SND1: variants seen among roughly 807,000 people sequenced by gnomAD.
SND1 encodes staphylococcal nuclease and tudor domain containing 1.
Under a neutral mutation model 121.7 loss-of-function variants are expected in SND1, and 38 were observed. That is an observed-to-expected ratio of 0.31 (90% CI 0.24 to 0.41). The LOEUF is 0.41. Ranked by LOEUF, SND1 falls within the 10% of genes least tolerant of loss-of-function variation. The pLI is 1.00. For missense variants in SND1, 868 were observed against 1,184.6 expected (o/e 0.73, Z 3.92); for synonymous variants, 401 against 447.4 (o/e 0.90, Z 1.31).
intron 10 of SND1, among the ~76,000 whole-genome samples, chr7:127,753,708 C>T (rs976029790): frequency 6.6e-6 from 1 of 152,160 alleles, no homozygotes; most frequent in Non-Finnish European, 1.5e-5. Flanking sequence ...GTGGATTTTC[C>T]TTCCCCCTTT....
chr7:128,068,667 T>G (rs1267763124), intron 16 of SND1, among the ~76,000 whole-genome samples: 1 of 152,154 alleles, frequency 6.6e-6, no homozygotes, highest in African/African-American at 2.4e-5. Flanking sequence ...CATGTTTGAT[T>G]TCAGCCACGG....
chr7:127,853,624 G>T (rs1207315059), intron 12 of SND1, among the ~76,000 whole-genome samples: 2 of 152,186 alleles, frequency 1.3e-5, no homozygotes, highest in Non-Finnish European at 2.9e-5. Flanking sequence ...TGCTGGTAGA[G>T]ATTTTACTGG....
chr7:128,009,409 C>T lies in SND1; in HGVS notation c.1779+18353C>T, dbSNP rs1803060199. Among the ~76,000 whole-genome samples, 2 of 152,108 alleles carry T rather than the reference C, an allele frequency of 1.3e-5. 1 individual carries two copies. The highest frequency in any genetic ancestry group is 4.8e-5 in the African/African-American group (2 of 41,402). ...AGTTCAATTATCCTCAAAGGGGTTT[C>T]GGAAACTACTCATTGCAGGCAGCAA... On this transcript the variant is annotated intron_variant, in intron 16 of 23. Coordinates refer to ENST00000354725, the MANE Select transcript of SND1 (RefSeq NM_014390.4).
intron 12 of SND1, among the ~76,000 whole-genome samples, chr7:127,887,437 T>A (rs531450421): frequency 6.6e-6 from 1 of 152,166 alleles, no homozygotes; most frequent in Non-Finnish European, 1.5e-5. Context: ...GTAAAACCAA[T>A]GTTTCTAACG....
intron 1 of SND1, among the ~76,000 whole-genome samples, chr7:127,655,495 A>G (rs1795194672): frequency 6.6e-6 from 1 of 152,248 alleles, no homozygotes; most frequent in African/African-American, 2.4e-5. Flanking sequence ...AGAAAAAATC[A>G]GCAAGGATGA....
Position 128,069,291 on chromosome 7 carries a change from C to G in SND1, c.1780-5211C>G, listed in dbSNP as rs546523610. On this transcript the variant is annotated intron_variant, in intron 16 of 23. Transcript: ENST00000354725. ...ATCAGAGGTATACAGCTCAGCAAAG[C>G]AGGACAGCTGCTGAATGTAACCATC... is the stretch of plus-strand genomic sequence containing the variant. Among the ~76,000 whole-genome samples the G allele has an allele frequency of 4.6e-5, 7 of 152,294 alleles. No individual in the cohort carries two copies. In the East Asian group the frequency reaches 1.4e-3, roughly 29 times the overall value.
At chr7:128,067,202 G>A (rs1193422026) in intron 16 of SND1, among the ~76,000 whole-genome samples, 2 of 152,148 alleles carry the variant, frequency 1.3e-5, no homozygotes, top group African/African-American at 4.8e-5. Flanking sequence ...GAGAAACTAA[G>A]CCCAAAGAGA....
chr7:127,839,509 T>C (rs889506731), intron 11 of SND1, among the ~76,000 whole-genome samples: 1 of 152,194 alleles, frequency 6.6e-6, no homozygotes, highest in African/African-American at 2.4e-5. Flanking sequence ...AGCATCAGTC[T>C]GTGAAGTTCT....
At chr7:127,786,844 G>A (rs189464170) in intron 10 of SND1, among the ~76,000 whole-genome samples, 20 of 152,176 alleles carry the variant, frequency 1.3e-4, no homozygotes, top group South Asian at 4.1e-4. Flanking sequence ...GGGTTTCACC[G>A]TGTTAGCCAG....
At chr7:127,657,723 C>G (rs935349294) in intron 1 of SND1, among the ~76,000 whole-genome samples, 2 of 152,084 alleles carry the variant, frequency 1.3e-5, no homozygotes, top group Non-Finnish European at 2.9e-5. Context: ...GTCTCGAACT[C>G]CTGGACTCAA....
Position 127,694,896 on chromosome 7 carries a change from A to G in SND1, c.297A>G (p.Ile99Met). The change falls in exon 3 of 24, where the codon ATA becomes ATG. Residue 99 changes from isoleucine to methionine, a missense_variant. Around this residue, in one of 2 missense-constraint regions of SND1, gnomAD observed 743 missense variants for 1,071.3 expected, o/e 0.69. Transcript: ENST00000354725. ...KLIGKEVCFT[I>M]ENKTPQGREY... ...TTGGGAAGGAAGTCTGTTTCACGATAGAAAACAAGACTCCCCAGGGGCGAG... is the reference window on the plus strand; with the variant it reads ...TTGGGAAGGAAGTCTGTTTCACGATGGAAAACAAGACTCCCCAGGGGCGAG... 1.2e-6 allele frequency: 2 copies of G among 1,613,982 alleles called. No homozygotes were observed. The highest frequency in any genetic ancestry group is 1.7e-6 in the Non-Finnish European group (2 of 1,179,876).
At chr7:127,800,813 C>T (rs2116562815) in intron 10 of SND1, among the ~76,000 whole-genome samples, 1 of 152,326 alleles carries the variant, frequency 6.6e-6, no homozygotes, top group East Asian at 1.9e-4. Flanking sequence ...TCTCTCCCCA[C>T]CCATTCCACA....
At position 127,652,210 on chromosome 7, in the gene SND1, C is replaced by G. The variant is rs984319121; in HGVS notation, c.-164C>G. 1 of 679,962 alleles carries G rather than the reference C, an allele frequency of 1.5e-6. No individual in the cohort carries two copies. The highest frequency in any genetic ancestry group is 1.8e-5 in the African/African-American group (1 of 56,160). The allele number at this position is 679,962 out of a possible 1,614,324, so 42.1% of individuals were successfully genotyped here. ...AGATCGCGTCTCTTTCGCTCCGTGT[C>G]CCGCTGCTGCTCCTGTGAGCGCCCG... On this transcript the variant is annotated 5_prime_UTR_variant, in exon 1 of 24. Transcript: ENST00000354725.
At chr7:127,670,398 G>C (rs894859756) in intron 1 of SND1, among the ~76,000 whole-genome samples, 12 of 152,252 alleles carry the variant, frequency 7.9e-5, no homozygotes, top group African/African-American at 2.9e-4. Flanking sequence ...GATTACAGAT[G>C]TGAGCCACTG....
At chr7:127,816,272 G>A (rs1489178897) in intron 11 of SND1, among the ~76,000 whole-genome samples, 1 of 152,144 alleles carries the variant, frequency 6.6e-6, no homozygotes, top group Non-Finnish European at 1.5e-5. Flanking sequence ...GGTGAGCCGT[G>A]CTCATCCCAT....
At chr7:127,902,371 G>T (rs1294672618) in intron 13 of SND1, among the ~76,000 whole-genome samples, 2 of 152,230 alleles carry the variant, frequency 1.3e-5, no homozygotes, top group African/African-American at 4.8e-5. Flanking sequence ...AGGAGGTGAG[G>T]TATGGTCAGG....
At chr7:127,860,958 A>G (rs191997968) in intron 12 of SND1, among the ~76,000 whole-genome samples, 1 of 152,212 alleles carries the variant, frequency 6.6e-6, no homozygotes, top group African/African-American at 2.4e-5. Flanking sequence ...CCTTACGTAT[A>G]TGAAATTAAT....
intron 12 of SND1, among the ~76,000 whole-genome samples, chr7:127,869,422 G>C (rs945827396): frequency 2.0e-5 from 3 of 152,152 alleles, no homozygotes; most frequent in Admixed American, 1.3e-4. Context: ...ATGGTGACAA[G>C]TTTTGTCTAC....
At chr7:127,852,248 A>G (rs961202618) in intron 12 of SND1, among the ~76,000 whole-genome samples, 4 of 151,982 alleles carry the variant, frequency 2.6e-5, no homozygotes, top group Non-Finnish European at 5.9e-5. Context: ...TAATCCCAGC[A>G]CTTTGGGAGG....
Sources: gnomAD v4.1 joint callset for allele counts (sites outside exome capture counted in the v4.1 genomes callset) on GRCh38, gnomAD v4.1.1 for gene constraint, gnomAD v4.1.1 regional missense constraint, MANE v1.5 for transcripts, NCBI Gene and HGNC (gene_info 2026-07-23, HGNC 2026-07-21) for gene names.